The following ATP10B variants were observed in gnomAD, a reference collection of about 807,000 sequenced individuals.
ATP10B encodes ATPase phospholipid transporting 10B (putative).
In ATP10B, 122 loss-of-function variants were observed where a neutral mutation model predicts 141.2. The ratio of observed to expected loss-of-function variants is 0.86; its 90% confidence interval spans 0.75 to 1.00. The LOEUF is 1.00. Ranked by LOEUF, ATP10B falls within the 50% of genes least tolerant of loss-of-function variation. The pLI is 0.00. For synonymous variants in ATP10B, 685 were observed against 692.0 expected (o/e 0.99, Z 0.16); for missense variants, 1,876 against 1,825.3 (o/e 1.03, Z -0.51).
intron 12 of ATP10B, 52 bp downstream of exon 12, chr5:160,634,302 G>C: frequency 6.2e-7 from 1 of 1,612,896 alleles, no homozygotes. Context: ...TCTTAGGAGA[G>C]CAGGGTATTT....
At chr5:160,889,796 C>T in the ATP10B span, among the ~76,000 whole-genome samples, 2,327 of 152,234 alleles carry the variant, frequency 0.015, 59 homozygotes, top group African/African-American at 0.054. Context: ...ATCTTCAGGA[C>T]GTGGACCCAG....
intron 1 of ATP10B, among the ~76,000 whole-genome samples, chr5:160,800,328 A>C (rs1772293230): frequency 6.6e-6 from 1 of 152,224 alleles, no homozygotes; most frequent in South Asian, 2.1e-4. Flanking sequence ...ATCTTATTAA[A>C]ATTAAATGAA....
chr5:160,810,057 TATCTA>T (rs1207261725), intron 1 of ATP10B, among the ~76,000 whole-genome samples: 3 of 152,204 alleles, frequency 2.0e-5, no homozygotes, highest in Non-Finnish European at 2.9e-5. Flanking sequence ...ACCTCTACAG[TATCTA>T]ATCTTTCTTT....
Position 160,606,849 on chromosome 5 carries a change from G to A in ATP10B, c.3076C>T (p.Leu1026=). The A allele has an allele frequency of 6.2e-7, 1 of 1,614,122 alleles. No individual in the cohort carries two copies. Among genetic ancestry groups the A allele is most frequent in the Non-Finnish European group, 8.5e-7 (1 of 1,179,998 alleles). ...LELTQYCRSV[L]CCRSTPLQKS... Reference sequence around the variant, plus strand: ...TGGAGTGGCGTGGAGCGGCAGCACAGGACGGACCGACAATACTGGGTCAAT... The same window carrying A: ...TGGAGTGGCGTGGAGCGGCAGCACAAGACGGACCGACAATACTGGGTCAAT... Residue 1026 remains leucine (L), a synonymous_variant, in exon 19 of 26, where the codon CTG becomes TTG. Coordinates refer to ENST00000327245, the MANE Select transcript of ATP10B (RefSeq NM_025153.3).
At chr5:160,875,339 G>A in the ATP10B span, among the ~76,000 whole-genome samples, 3 of 87,724 alleles carry the variant, frequency 3.4e-5, no homozygotes, top group African/African-American at 8.9e-5. Flanking sequence ...AATGCTGAGA[G>A]ATTTTGTCAC....
At chr5:160,647,852 G>A (rs1410665663) in intron 8 of ATP10B, among the ~76,000 whole-genome samples, 1 of 152,084 alleles carries the variant, frequency 6.6e-6, no homozygotes, top group African/African-American at 2.4e-5. Context: ...TAAAAGCTAT[G>A]GTTTCTCTGG....
chr5:160,566,734 A>C (rs1346476575), intron 25 of ATP10B, among the ~76,000 whole-genome samples: 1 of 152,226 alleles, frequency 6.6e-6, no homozygotes. Flanking sequence ...GAAAATATAC[A>C]CAAGCCGTGG....
chr5:160,856,481 T>C (rs1033650424), upstream of ATP10B, among the ~76,000 whole-genome samples: 2 of 151,902 alleles, frequency 1.3e-5, no homozygotes, highest in Admixed American at 1.3e-4. Context: ...CTTTCTAATA[T>C]GTATGCCTAT....
intron 2 of ATP10B, among the ~76,000 whole-genome samples, chr5:160,727,079 T>G (rs1766418299): frequency 6.6e-6 from 1 of 152,230 alleles, no homozygotes; most frequent in South Asian, 2.1e-4. Flanking sequence ...CTTGGGCACA[T>G]GTCATCAGGA....
At chr5:160,823,153 A>G (rs1774310308) in intron 1 of ATP10B, among the ~76,000 whole-genome samples, 1 of 151,276 alleles carries the variant, frequency 6.6e-6, no homozygotes, top group Non-Finnish European at 1.5e-5. Flanking sequence ...TATTTCATGT[A>G]GATAGGCTGG....
chr5:160,622,706 T>C, intron 13 of ATP10B, 121 bp from the exon 14 acceptor site: 1 of 944,212 alleles, frequency 1.1e-6, no homozygotes, highest in Non-Finnish European at 1.6e-6. Flanking sequence ...CAGCATGTTT[T>C]CCTCTCCCAC....
In ATP10B at chr5:160,687,835, G is replaced by A. The variant is rs776149208; in HGVS notation, c.240C>T (p.Thr80=). 7 of 1,614,150 alleles carry A rather than the reference G, an allele frequency of 4.3e-6. No individual in the cohort carries two copies. The highest frequency in any genetic ancestry group is 5.1e-6 in the Non-Finnish European group (6 of 1,180,020). The change falls in exon 5 of 26, where the codon ACC becomes ACT. Residue 80 remains threonine, a synonymous_variant. Transcript: ENST00000327245. ...GCTCAAAGAGATTCCGGGGCAGGAA[G>A]GTGAAGAGGGTGTATTTGGTTGTGC... is the stretch of plus-strand genomic sequence containing the variant. The part of the protein sequence containing the change: ...RTCTTKYTLF[T]FLPRNLFEQF...
At position 160,688,113 on chromosome 5, in the gene ATP10B, G is replaced by A. The variant is rs1212754532; in HGVS notation, c.-20-19C>T. The stretch of plus-strand genomic sequence containing the variant: ...CGAAGATCTGAAAACAGACACAGGA[G>A]GAGCTATGTTTAGGAGAAACGTGCA... On this transcript the variant is annotated intron_variant, in intron 4 of 25. Coordinates refer to ENST00000327245, the MANE Select transcript of ATP10B (RefSeq NM_025153.3). 5 of 1,594,910 alleles carry A rather than the reference G, an allele frequency of 3.1e-6. No individual in the cohort carries two copies. The highest frequency in any genetic ancestry group is 4.3e-6 in the Non-Finnish European group (5 of 1,170,652).
At chr5:160,882,582 TAAA>T in the ATP10B span, among the ~76,000 whole-genome samples, 2 of 115,570 alleles carry the variant, frequency 1.7e-5, no homozygotes, top group African/African-American at 5.2e-5. Flanking sequence ...TGCCTGGGGT[TAAA>T]AAATAAATTC....
At chr5:160,702,589 T>G (rs1441809980) in intron 3 of ATP10B, among the ~76,000 whole-genome samples, 2 of 152,240 alleles carry the variant, frequency 1.3e-5, no homozygotes, top group African/African-American at 4.8e-5. Flanking sequence ...AGCTAACATC[T>G]GTTATGAAAT....
chr5:160,610,876 T>G (rs1169269033), intron 18 of ATP10B, among the ~76,000 whole-genome samples: 1 of 152,214 alleles, frequency 6.6e-6, no homozygotes, highest in Non-Finnish European at 1.5e-5. Context: ...CGGATGAGAA[T>G]TCTGAGGTCT....
chr5:160,860,632 A>G, the ATP10B span, among the ~76,000 whole-genome samples: 2 of 151,984 alleles, frequency 1.3e-5, no homozygotes, highest in Non-Finnish European at 2.9e-5. Context: ...AACATCAGCA[A>G]CTGCAGGTTG....
rs1321972892 is a variant in ATP10B, at chr5:160,563,187, T to C, written c.*2266A>G. On this transcript the variant is annotated 3_prime_UTR_variant, in exon 26 of 26. Coordinates refer to ENST00000327245, the MANE Select transcript of ATP10B (RefSeq NM_025153.3). ...GATGACATTTCCAATCAGTAAAATA[T>C]CATAAAAGTATAAAAATGTACTAAG... is the stretch of plus-strand genomic sequence containing the variant. The C allele has an allele frequency of 1.3e-5, 2 of 152,282 alleles. No homozygotes were observed. Among genetic ancestry groups the C allele is most frequent in the East Asian group, 3.9e-4 (2 of 5,180 alleles). The allele number at this position is 152,282 out of a possible 1,614,324, so 9.4% of individuals were successfully genotyped here.
the ATP10B span, among the ~76,000 whole-genome samples, chr5:160,862,749 T>A: frequency 1.3e-5 from 2 of 152,004 alleles, no homozygotes; most frequent in Non-Finnish European, 2.9e-5. Flanking sequence ...CCTTTATCAA[T>A]CTTTATTCTT....
Sources: gnomAD v4.1 joint callset for allele counts (sites outside exome capture counted in the v4.1 genomes callset) on GRCh38, gnomAD v4.1.1 for gene constraint, MANE v1.5 for transcripts, NCBI Gene and HGNC (gene_info 2026-07-23, HGNC 2026-07-21) for gene names.